Variants in EPB41L2 observed in about 807,000 individuals in gnomAD.
The protein encoded by EPB41L2 is band 4.1-like protein 2.
In EPB41L2, 43 loss-of-function variants were observed where a neutral mutation model predicts 113.0. That is an observed-to-expected ratio of 0.38 (90% CI 0.30 to 0.49). The LOEUF (loss-of-function observed/expected upper bound fraction) is 0.49, where lower values mean the gene tolerates loss of function less well. EPB41L2 is among the 20% of genes least tolerant of loss of function. The pLI is 0.95. For missense variants in EPB41L2, 1,147 were observed against 1,223.4 expected (o/e 0.94, Z 0.93); for synonymous variants, 442 against 436.7 (o/e 1.01, Z -0.15).
intron 9 of EPB41L2, 138 bp from the exon 10 acceptor site, chr6:130,894,579 T>C (rs1431895969): frequency 1.4e-6 from 1 of 712,334 alleles, no homozygotes; most frequent in Non-Finnish European, 2.3e-6. Flanking sequence ...TCTAATATAA[T>C]CATATAAAGA....
intron 3 of EPB41L2, among the ~76,000 whole-genome samples, chr6:130,947,017 A>AC (rs58960778): frequency 0.069 from 7,756 of 111,716 alleles, 370 homozygotes; most frequent in African/African-American, 0.15. Flanking sequence ...AATAAAGAAG[A>AC]CCCCCCCCCC....
At chr6:131,004,428 T>C (rs529911244) in intron 1 of EPB41L2, among the ~76,000 whole-genome samples, 6 of 152,320 alleles carry the variant, frequency 3.9e-5, no homozygotes, top group African/African-American at 1.4e-4. Flanking sequence ...TATCATTTTC[T>C]CTCTTCACAG....
At chr6:130,921,668 C>A (rs995169537) in intron 4 of EPB41L2, among the ~76,000 whole-genome samples, 1 of 152,204 alleles carries the variant, frequency 6.6e-6, no homozygotes, top group Non-Finnish European at 1.5e-5. Flanking sequence ...CAACACTAAA[C>A]TGCTCATATG....
At chr6:131,015,982 C>G (rs1241490965) in intron 1 of EPB41L2, 2 of 152,150 alleles carry the variant, frequency 1.3e-5, no homozygotes, top group African/African-American at 4.8e-5. Flanking sequence ...GGACATTTGG[C>G]TTCAATAAAG....
intron 4 of EPB41L2, among the ~76,000 whole-genome samples, chr6:130,918,280 A>C (rs565380151): frequency 1.3e-5 from 2 of 152,356 alleles, no homozygotes; most frequent in African/African-American, 4.8e-5. Flanking sequence ...TCATAAAGTT[A>C]GCCGTGAATA....
intron 17 of EPB41L2, among the ~76,000 whole-genome samples, chr6:130,864,554 T>C (rs1783122410): frequency 6.6e-6 from 1 of 152,214 alleles, no homozygotes; most frequent in Non-Finnish European, 1.5e-5. Context: ...GGAGATCATC[T>C]GGCTGTGACC....
chr6:130,937,833 A>AAAAAAAAAAAG (rs552248781), intron 3 of EPB41L2, among the ~76,000 whole-genome samples: 57 of 150,462 alleles, frequency 3.8e-4, no homozygotes, highest in African/African-American at 1.4e-3. Flanking sequence ...AAAAAAAAAA[A>AAAAAAAAAAAG]AAGATTAACA....
At chr6:130,918,950 T>C (rs1039934339) in intron 4 of EPB41L2, among the ~76,000 whole-genome samples, 29 of 152,152 alleles carry the variant, frequency 1.9e-4, no homozygotes, top group African/African-American at 6.5e-4. Context: ...TACAAATCTA[T>C]AGTGGAAGAA....
chr6:130,863,637 C>A lies in EPB41L2; in HGVS notation c.2910+1G>T. The A allele has an allele frequency of 6.2e-7, 1 of 1,603,422 alleles. No individual in the cohort carries two copies. The highest frequency in any genetic ancestry group is 1.3e-5 in the African/African-American group (1 of 74,728). ...CCAAAACTAGAACTTAACTTATTTA[C>A]CTGGTCATGATCAATATCTCCATCT... is the stretch of plus-strand genomic sequence containing the variant. On this transcript the variant is annotated splice_donor_variant, in intron 18 of 19. Coordinates refer to ENST00000337057, the MANE Select transcript of EPB41L2 (RefSeq NM_001431.4). LOFTEE classifies it high-confidence loss of function.
chr6:130,947,191 C>A (rs1189562821), intron 3 of EPB41L2, among the ~76,000 whole-genome samples: 3 of 152,106 alleles, frequency 2.0e-5, no homozygotes, highest in Non-Finnish European at 4.4e-5. Context: ...CTCATCCTGG[C>A]ATTTGAGGCC....
chr6:130,930,867 GA>G (rs1346014615), intron 3 of EPB41L2, among the ~76,000 whole-genome samples: 1 of 151,878 alleles, frequency 6.6e-6, no homozygotes, highest in Non-Finnish European at 1.5e-5. Context: ...TATGACTAAG[GA>G]AAAAGTGAAT....
At chr6:130,932,814 G>A (rs1252891498) in intron 3 of EPB41L2, among the ~76,000 whole-genome samples, 2 of 152,216 alleles carry the variant, frequency 1.3e-5, no homozygotes, top group Non-Finnish European at 2.9e-5. Context: ...CTGATGGAAC[G>A]GCTCAATGCC....
intron 1 of EPB41L2, among the ~76,000 whole-genome samples, chr6:130,960,569 T>A (rs1382644147): frequency 6.6e-6 from 1 of 152,124 alleles, no homozygotes. Context: ...ATGATCAGTG[T>A]CACCCATCCA....
intron 3 of EPB41L2, among the ~76,000 whole-genome samples, chr6:130,936,040 T>G (rs184693042): frequency 7.3e-4 from 111 of 152,364 alleles, no homozygotes; most frequent in Middle Eastern, 6.8e-3. Context: ...AAAGTTTTTT[T>G]GCTTAAACAA....
intron 11 of EPB41L2, among the ~76,000 whole-genome samples, chr6:130,887,439 C>T (rs576842262): frequency 5.3e-5 from 8 of 152,230 alleles, no homozygotes; most frequent in Non-Finnish European, 1.0e-4. Context: ...TGTGCTCTTG[C>T]GGGCACATAA....
intron 1 of EPB41L2, among the ~76,000 whole-genome samples, chr6:130,976,860 G>C (rs1429201719): frequency 6.6e-6 from 1 of 152,130 alleles, no homozygotes; most frequent in Non-Finnish European, 1.5e-5. Flanking sequence ...ACCAGACACT[G>C]GTCTAGGCCC....
chr6:130,859,504 T>G (rs1415061658), intron 18 of EPB41L2, among the ~76,000 whole-genome samples: 1 of 139,624 alleles, frequency 7.2e-6, no homozygotes, highest in African/African-American at 2.5e-5. Flanking sequence ...GAGTGAGACT[T>G]TGTCTCAAAA....
chr6:131,001,190 T>C (rs1025114439), intron 1 of EPB41L2, among the ~76,000 whole-genome samples: 3 of 152,302 alleles, frequency 2.0e-5, no homozygotes, highest in East Asian at 3.9e-4. Flanking sequence ...ATGTGGCTGC[T>C]TCTCCATGAA....
chr6:130,974,717 CTTTTTTTTT>C lies in EPB41L2; in HGVS notation c.-14-18227_-14-18219del, dbSNP rs71030723. Among the ~76,000 whole-genome samples the C allele has an allele frequency of 5.2e-3, 334 of 64,672 alleles. No homozygotes were observed. The Middle Eastern group carries it at 0.052, about 10-fold the overall frequency. 42.4% of individuals were successfully genotyped at this position (64,672 alleles called of 152,430 possible). A position where few individuals can be genotyped will look rare whatever the true frequency, so the allele number is the denominator to read the frequency against. ...GGCAGCCTCTTTTTTCTTTTCTTTT[CTTTTTTTTT>C]TTTTTTTTTTTTTTTTTGAGATGGA... is the stretch of plus-strand genomic sequence containing the variant. On this transcript the variant is annotated intron_variant, in intron 1 of 19. Coordinates refer to ENST00000337057, the MANE Select transcript of EPB41L2 (RefSeq NM_001431.4).
Sources: gnomAD v4.1 joint callset for allele counts (sites outside exome capture counted in the v4.1 genomes callset) on GRCh38, gnomAD v4.1.1 for gene constraint, MANE v1.5 for transcripts, NCBI Gene and HGNC (gene_info 2026-07-23, HGNC 2026-07-21) for gene names.